The following SLC6A13 variants were observed in gnomAD, a reference collection of about 807,000 sequenced individuals.
SLC6A13 encodes solute carrier family 6 member 13, also known as sodium- and chloride-dependent GABA transporter 2.
SLC6A13 carries 69 observed loss-of-function variants against 72.9 expected under a neutral mutation model. That is an observed-to-expected ratio of 0.95 (90% confidence interval 0.78 to 1.16). SLC6A13 has a LOEUF of 1.16. SLC6A13 is among the 50% of genes most tolerant of loss of function. The pLI, the probability that SLC6A13 is intolerant of heterozygous loss-of-function variation, is 0.00. For synonymous variants in SLC6A13, 303 were observed against 303.0 expected, an observed-to-expected ratio of 1.00 and a Z score of 0.00; for missense variants, 735 against 760.5, an observed-to-expected ratio of 0.97 and a Z score of 0.39.
intron 2 of SLC6A13, among the ~76,000 whole-genome samples, chr12:255,603 G>A (rs139290811): frequency 0.014 from 2,058 of 152,308 alleles, 54 homozygotes; most frequent in African/African-American, 0.047. Context: ...GGCTGAGGCG[G>A]GAGAATCACT....
At chr12:251,713 G>C (rs182147529) in intron 2 of SLC6A13, among the ~76,000 whole-genome samples, 2 of 152,284 alleles carry the variant, frequency 1.3e-5, no homozygotes, top group East Asian at 3.9e-4. Context: ...AGCACTTTGG[G>C]AGGCCAAGGC....
Position 226,466 on chromosome 12 carries a change from G to A in SLC6A13, c.984C>T (p.Ala328=), listed in dbSNP as rs370305151. ...CCAGGATGGAGAAGATGGCAAAGCC[G>A]GCCACAAAGCTGGTGCCGCTGTTGA... ...CFLNSGTSFV[A]GFAIFSILGF... Residue 328 remains alanine, a synonymous_variant, in exon 9 of 15, where the codon GCC becomes GCT. Transcript: ENST00000343164. The A allele has an allele frequency of 2.6e-5, 42 of 1,613,966 alleles. No homozygotes were observed. Among genetic ancestry groups the A allele is most frequent in the Admixed American group, 1.2e-4 (7 of 60,002 alleles).
Position 221,475 on chromosome 12 carries a change from C to T in SLC6A13, c.1587G>A (p.Trp529Ter), listed in dbSNP as rs1941208379. 1 of 1,613,846 alleles carries T rather than the reference C, an allele frequency of 6.2e-7. No homozygotes were observed. The highest frequency in any genetic ancestry group is 8.5e-7 in the Non-Finnish European group (1 of 1,179,838). The change falls in exon 14 of 15, where the codon TGG becomes TGA. Residue 529 changes from tryptophan to a stop codon, truncating the protein, a stop_gained. Coordinates refer to ENST00000343164, the MANE Select transcript of SLC6A13 (RefSeq NM_016615.5). LOFTEE classifies it high-confidence loss of function. ...TYNKKYTYPW[W>*]GDALGWLLAL... ...CCAGGAGCCAGCCCAGGGCATCGCC[C>T]CACCACGGGTACGTGTACTTCTTGT...
chr12:240,666 AC>A (rs1942132121), intron 4 of SLC6A13, among the ~76,000 whole-genome samples: 1 of 152,220 alleles, frequency 6.6e-6, no homozygotes, highest in Non-Finnish European at 1.5e-5. Context: ...AAATCAACAA[AC>A]AGATGAAAAG....
intron 2 of SLC6A13, among the ~76,000 whole-genome samples, chr12:245,732 C>G (rs1012990152): frequency 6.6e-6 from 1 of 152,038 alleles, no homozygotes; most frequent in African/African-American, 2.4e-5. Context: ...CGCCTGTAAT[C>G]CCAGCACTCT....
chr12:240,347 G>A (rs1300849900), intron 4 of SLC6A13, among the ~76,000 whole-genome samples: 2 of 152,076 alleles, frequency 1.3e-5, no homozygotes, highest in Non-Finnish European at 2.9e-5. Flanking sequence ...AGGGCCATGG[G>A]TGTGCACCAC....
chr12:245,123 T>C (rs7298813), intron 2 of SLC6A13, among the ~76,000 whole-genome samples: 3,562 of 152,256 alleles, frequency 0.023, 142 homozygotes, highest in African/African-American at 0.081. Context: ...TACTAGTCAG[T>C]GCATATGTGT....
intron 1 of SLC6A13, among the ~76,000 whole-genome samples, chr12:261,540 A>T (rs1252979310): frequency 6.6e-6 from 1 of 152,198 alleles, no homozygotes; most frequent in Non-Finnish European, 1.5e-5. Flanking sequence ...CTTTTTTCTA[A>T]GCCTCAAGCA....
intron 2 of SLC6A13, among the ~76,000 whole-genome samples, chr12:258,445 G>A (rs1942817769): frequency 6.6e-6 from 1 of 152,174 alleles, no homozygotes; most frequent in African/African-American, 2.4e-5. Context: ...GATAGGTGTT[G>A]CTTTAAAGGA....
intron 4 of SLC6A13, 117 bp downstream of exon 4, chr12:242,497 G>A (rs1565501205): frequency 1.3e-6 from 1 of 794,136 alleles, no homozygotes; most frequent in Non-Finnish European, 1.9e-6. Context: ...AGCTCTCCAT[G>A]GTCGACTTGG....
intron 2 of SLC6A13, 70 bp downstream of exon 2, chr12:259,781 C>G (rs781339998): frequency 1.9e-6 from 3 of 1,614,120 alleles, no homozygotes; most frequent in Non-Finnish European, 2.5e-6. Flanking sequence ...CCAGAGGGGC[C>G]GTAAGTGCAG....
chr12:242,809 C>G, intron 3 of SLC6A13, 55 bp from the exon 4 acceptor site: 1 of 1,532,352 alleles, frequency 6.5e-7, no homozygotes, highest in Non-Finnish European at 8.8e-7. Context: ...TGGCGTGCAC[C>G]TGTCATTTCA....
At chr12:227,984 G>T (rs968733698) in intron 7 of SLC6A13, among the ~76,000 whole-genome samples, 3 of 152,150 alleles carry the variant, frequency 2.0e-5, no homozygotes, top group Non-Finnish European at 2.9e-5. Flanking sequence ...TAGGTCTCCT[G>T]TCAGGTTTTT....
At chr12:251,176 A>T (rs1007596633) in intron 2 of SLC6A13, among the ~76,000 whole-genome samples, 2 of 152,018 alleles carry the variant, frequency 1.3e-5, no homozygotes, top group Non-Finnish European at 2.9e-5. Context: ...AAAAAAAAAA[A>T]ACCTTTGAAA....
chr12:223,854 G>T, intron 11 of SLC6A13, 138 bp downstream of exon 11: 1 of 941,640 alleles, frequency 1.1e-6, no homozygotes, highest in East Asian at 2.5e-5. Context: ...TCCTGGGATG[G>T]GGAAAAGAGG....
At chr12:242,517 G>C in intron 4 of SLC6A13, 97 bp downstream of exon 4, 1 of 1,041,686 alleles carries the variant, frequency 9.6e-7, no homozygotes, top group Non-Finnish European at 1.4e-6. Flanking sequence ...GGTGATTTCT[G>C]GTGTGTCCGT....
intron 7 of SLC6A13, among the ~76,000 whole-genome samples, chr12:232,421 C>G (rs2137273163): frequency 6.6e-6 from 1 of 152,346 alleles, no homozygotes; most frequent in Non-Finnish European, 1.5e-5. Context: ...CCCCCTACAA[C>G]TCCTGCTCGC....
At chr12:248,617 CA>C (rs1942436545) in intron 2 of SLC6A13, among the ~76,000 whole-genome samples, 1 of 152,120 alleles carries the variant, frequency 6.6e-6, no homozygotes, top group African/African-American at 2.4e-5. Flanking sequence ...GACAGAGCTT[CA>C]AAATGCACGA....
chr12:255,215 C>A (rs916801923), intron 2 of SLC6A13, among the ~76,000 whole-genome samples: 3 of 152,226 alleles, frequency 2.0e-5, no homozygotes, highest in South Asian at 2.1e-4. Context: ...TGCCAGCAAC[C>A]AGGGTCCAGG....
Sources: gnomAD v4.1 joint callset for allele counts (sites outside exome capture counted in the v4.1 genomes callset) on GRCh38, gnomAD v4.1.1 for gene constraint, MANE v1.5 for transcripts, NCBI Gene and HGNC (gene_info 2026-07-23, HGNC 2026-07-21) for gene names.